The following ZNF804A variants were observed in gnomAD, a reference collection of about 807,000 sequenced individuals.
The protein encoded by ZNF804A is zinc finger protein 804A.
Under a neutral mutation model 16.5 loss-of-function variants are expected in ZNF804A, and 2 were observed. The ratio of observed to expected loss-of-function variants is 0.12; its 90% confidence interval spans 0.05 to 0.38. The LOEUF (loss-of-function observed/expected upper bound fraction) is 0.38, where lower values mean the gene tolerates loss of function less well. ZNF804A is among the 10% of genes least tolerant of loss of function. The probability of loss-of-function intolerance (pLI) is 0.99; values close to 1 mark genes in which losing one functional copy is unlikely to be tolerated. For synonymous variants in ZNF804A, 534 were observed against 489.6 expected (o/e 1.09, Z -1.20); for missense variants, 1,473 against 1,390.7 (o/e 1.06, Z -0.94).
chr2:184,822,778 T>C (rs1364225417), intron 1 of ZNF804A, among the ~76,000 whole-genome samples: 2 of 152,166 alleles, frequency 1.3e-5, no homozygotes, highest in African/African-American at 2.4e-5. Flanking sequence ...ATAGCAATAT[T>C]AGTACATTTA....
intron 1 of ZNF804A, among the ~76,000 whole-genome samples, chr2:184,602,122 C>T (rs1691060189): frequency 6.6e-6 from 1 of 151,830 alleles, no homozygotes; most frequent in African/African-American, 2.4e-5. Context: ...ATTATACCAC[C>T]CAAACATAAA....
intron 1 of ZNF804A, among the ~76,000 whole-genome samples, chr2:184,844,737 G>T (rs548583113): frequency 2.8e-4 from 42 of 151,770 alleles, no homozygotes; most frequent in Non-Finnish European, 5.0e-4. Context: ...AAACTTCCTG[G>T]ATCTATGGTT....
intron 1 of ZNF804A, among the ~76,000 whole-genome samples, chr2:184,696,588 C>T (rs1692835150): frequency 6.6e-6 from 1 of 152,078 alleles, no homozygotes; most frequent in Non-Finnish European, 1.5e-5. Context: ...TATCATGCAG[C>T]ACAGTTCTCA....
chr2:184,712,384 A>G (rs939645124), intron 1 of ZNF804A, among the ~76,000 whole-genome samples: 9 of 151,700 alleles, frequency 5.9e-5, no homozygotes, highest in Admixed American at 3.3e-4. Flanking sequence ...AGGTATTGCT[A>G]AGAAACCCAT....
At chr2:184,916,439 T>TA (rs2105834442) in intron 2 of ZNF804A, among the ~76,000 whole-genome samples, 2 of 152,262 alleles carry the variant, frequency 1.3e-5, no homozygotes, top group South Asian at 4.1e-4. Flanking sequence ...TTACATATCA[T>TA]ATGAGGAGAC....
intron 1 of ZNF804A, among the ~76,000 whole-genome samples, chr2:184,666,985 A>G (rs1692264788): frequency 1.3e-5 from 2 of 151,992 alleles, no homozygotes; most frequent in Admixed American, 1.3e-4. Context: ...TATAATGAAG[A>G]TGCATTTAAC....
At chr2:184,740,447 A>G (rs550575036) in intron 1 of ZNF804A, among the ~76,000 whole-genome samples, 5 of 152,326 alleles carry the variant, frequency 3.3e-5, no homozygotes, top group Admixed American at 6.5e-5. Flanking sequence ...TTTTCTGATG[A>G]CGCTGAAGAA....
chr2:184,860,908 G>A (rs920821333), intron 1 of ZNF804A, among the ~76,000 whole-genome samples: 9 of 152,232 alleles, frequency 5.9e-5, no homozygotes, highest in African/African-American at 2.2e-4. Flanking sequence ...GTTGGCCTAG[G>A]GTATGGGCAA....
intron 2 of ZNF804A, among the ~76,000 whole-genome samples, chr2:184,926,718 C>G (rs951211209): frequency 6.6e-6 from 1 of 152,114 alleles, no homozygotes; most frequent in African/African-American, 2.4e-5. Flanking sequence ...TTTGTCTCCT[C>G]TGACTTCGTG....
At chr2:184,648,769 G>A (rs12469299) in intron 1 of ZNF804A, among the ~76,000 whole-genome samples, 17,059 of 152,114 alleles carry the variant, frequency 0.11, 1,414 homozygotes, top group East Asian at 0.29. Flanking sequence ...AATTATTGGA[G>A]CACCCTGATT....
At chr2:184,910,415 A>G (rs1355095094) in intron 2 of ZNF804A, among the ~76,000 whole-genome samples, 4 of 152,038 alleles carry the variant, frequency 2.6e-5, no homozygotes, top group African/African-American at 7.2e-5. Context: ...TGCTATTGTG[A>G]ATAGTGCTGC....
chr2:184,780,322 T>G (rs1694354540), intron 1 of ZNF804A, among the ~76,000 whole-genome samples: 1 of 151,766 alleles, frequency 6.6e-6, no homozygotes, highest in Admixed American at 6.6e-5. Flanking sequence ...ACTGGAAGGG[T>G]TTAATTCTTA....
At chr2:184,909,918 G>A (rs1323791631) in intron 2 of ZNF804A, among the ~76,000 whole-genome samples, 1 of 151,898 alleles carries the variant, frequency 6.6e-6, no homozygotes, top group East Asian at 1.9e-4. Context: ...AAACAAAAGA[G>A]GAATAAAACA....
At chr2:184,750,756 A>G (rs906392325) in intron 1 of ZNF804A, among the ~76,000 whole-genome samples, 2 of 151,560 alleles carry the variant, frequency 1.3e-5, no homozygotes, top group South Asian at 2.1e-4. Context: ...GCACTATGCT[A>G]TATAGTAAAC....
intron 1 of ZNF804A, among the ~76,000 whole-genome samples, chr2:184,724,562 A>G (rs1054415759): frequency 4.0e-5 from 5 of 126,460 alleles, no homozygotes; most frequent in Admixed American, 2.8e-4. Flanking sequence ...ATACTAAGAT[A>G]CTACTGTATT....
intron 1 of ZNF804A, among the ~76,000 whole-genome samples, chr2:184,750,810 G>A (rs548200838): frequency 2.6e-5 from 4 of 151,224 alleles, no homozygotes; most frequent in Admixed American, 1.3e-4. Flanking sequence ...TTTGTCTTTT[G>A]CCTGATACCT....
intron 1 of ZNF804A, among the ~76,000 whole-genome samples, chr2:184,652,656 A>G (rs1692004652): frequency 6.6e-6 from 1 of 151,920 alleles, no homozygotes; most frequent in Admixed American, 6.6e-5. Context: ...TTCTAAGCAT[A>G]TTTCCTCCTG....
Position 184,653,348 on chromosome 2 carries a change from T to C in ZNF804A, c.111+54278T>C, listed in dbSNP as rs1692019568. On this transcript the variant is annotated intron_variant, in intron 1 of 3. Transcript: ENST00000302277. ...ACATTTTGGATATCCACAAAGACTG[T>C]TAGGGGTGGTGAATTTCTGAGTTAC... Among the ~76,000 whole-genome samples the C allele has an allele frequency of 2.0e-5, 3 of 152,102 alleles. No individual in the cohort carries two copies. The South Asian group carries it at 6.2e-4, about 31-fold the overall frequency.
chr2:184,671,754 G>A (rs867691134), intron 1 of ZNF804A, among the ~76,000 whole-genome samples: 5 of 152,150 alleles, frequency 3.3e-5, no homozygotes, highest in Middle Eastern at 3.2e-3. Flanking sequence ...GGCCTCCCTT[G>A]CTTAATTGTG....
Sources: gnomAD v4.1 joint callset for allele counts (sites outside exome capture counted in the v4.1 genomes callset) on GRCh38, gnomAD v4.1.1 for gene constraint, MANE v1.5 for transcripts, NCBI Gene and HGNC (gene_info 2026-07-23, HGNC 2026-07-21) for gene names.